Variants in ACSBG1 observed in about 807,000 individuals in gnomAD.
ACSBG1 encodes the protein long-chain-fatty-acid--CoA ligase ACSBG1.
Under a neutral mutation model 80.2 loss-of-function variants are expected in ACSBG1, and 39 were observed. The ratio of observed to expected loss-of-function variants is 0.49; its 90% CI spans 0.38 to 0.64. The LOEUF (loss-of-function observed/expected upper bound fraction) is 0.64. ACSBG1 is among the 30% of genes least tolerant of loss of function. The pLI is 0.00. For missense variants in ACSBG1, 828 were observed against 966.4 expected, an observed-to-expected ratio of 0.86 and a Z score of 1.90; for synonymous variants, 392 against 379.5, an observed-to-expected ratio of 1.03 and a Z score of -0.38.
intron 10 of ACSBG1, 135 bp downstream of exon 10, chr15:78,179,415 A>G (rs1248406292): frequency 3.9e-6 from 3 of 778,328 alleles, no homozygotes; most frequent in Non-Finnish European, 6.2e-6. Flanking sequence ...CAGGGGCTCC[A>G]TAGCCCAGTG....
intron 2 of ACSBG1, among the ~76,000 whole-genome samples, chr15:78,198,467 C>T (rs1193069064): frequency 6.6e-6 from 1 of 152,204 alleles, no homozygotes; most frequent in Admixed American, 6.5e-5. Context: ...CTGCCTCAGC[C>T]TCCCAAGTAG....
rs567184462 is a variant in ACSBG1 at position 78,224,467 on chromosome 15, C to A, written c.131+9904G>T. On this transcript the variant is annotated intron_variant, in intron 1 of 13. Transcript: ENST00000258873. ...GGGCGTGGTGGCTCACTCCTGTAATCCCAGCACTTTGGGAGGCCAAGGCAG... is the reference window on the plus strand; with the variant it reads ...GGGCGTGGTGGCTCACTCCTGTAATACCAGCACTTTGGGAGGCCAAGGCAG... Among the ~76,000 whole-genome samples, 226 of 152,314 alleles carry A rather than the reference C, an allele frequency of 1.5e-3. 3 individuals carry two copies. The highest frequency in any genetic ancestry group is 0.01 in the Middle Eastern group (3 of 294).
At position 78,234,520 on chromosome 15, in the gene ACSBG1, G is replaced by GA. The variant is rs1208771764; in HGVS notation, c.-20dup. On this transcript the variant is annotated 5_prime_UTR_variant, in exon 1 of 14. Coordinates refer to ENST00000258873, the MANE Select transcript of ACSBG1 (RefSeq NM_015162.5). ...GTGGCATCTGCCTCGGGCTTCCACTGAAGACAGCTCAGTCACCCACTGAGA... is the reference window on the plus strand; with the variant it reads ...GTGGCATCTGCCTCGGGCTTCCACTGAAAGACAGCTCAGTCACCCACTGAGA... 1 of 1,560,340 alleles carries GA rather than the reference G, an allele frequency of 6.4e-7. No individual in the cohort carries two copies. Among genetic ancestry groups the GA allele is most frequent in the South Asian group, 1.1e-5 (1 of 90,538 alleles).
At chr15:78,193,795 G>A in intron 4 of ACSBG1, 137 bp downstream of exon 4, 1 of 1,425,680 alleles carries the variant, frequency 7.0e-7, no homozygotes, top group South Asian at 1.3e-5. Flanking sequence ...GCCAGATGCA[G>A]GTCCACCAGA....
chr15:78,171,564 A>C, intron 13 of ACSBG1, 35 bp from the exon 14 acceptor site: 1 of 1,555,662 alleles, frequency 6.4e-7, no homozygotes, highest in Non-Finnish European at 8.9e-7. Context: ...AGTGAGGCCC[A>C]GGCTCTGAGA....
intron 5 of ACSBG1, among the ~76,000 whole-genome samples, chr15:78,185,063 G>C (rs1270694341): frequency 2.0e-5 from 3 of 150,138 alleles, no homozygotes; most frequent in Non-Finnish European, 4.5e-5. Context: ...GAGAGAGAGA[G>C]AGAGAGAGAG....
Position 78,172,667 on chromosome 15 carries a change from T to C in ACSBG1, c.2089+926A>G, listed in dbSNP as rs2074837801. On this transcript the variant is annotated intron_variant, in intron 13 of 13. Transcript: ENST00000258873. The surrounding 1 kb of genome is among the most constrained non-coding windows in gnomAD (Gnocchi z 4.1). ...AGCCAGATAAGCTCAAGGTCTCTGA[T>C]TGCAGCTCAGCTTTGCTGTAGACAA... 1.3e-5 allele frequency among the ~76,000 whole-genome samples: 2 copies of C among 152,250 alleles called. No homozygotes were observed. The highest frequency in any genetic ancestry group is 2.1e-4 in the South Asian group (1 of 4,836).
At chr15:78,180,694 G>A in intron 9 of ACSBG1, 61 bp downstream of exon 9, 1 of 1,571,242 alleles carries the variant, frequency 6.4e-7, no homozygotes, top group South Asian at 1.2e-5. Flanking sequence ...CCCTCACTGT[G>A]TTTTGGGTTA....
At chr15:78,218,984 G>T (rs1323007736) in intron 1 of ACSBG1, among the ~76,000 whole-genome samples, 1 of 151,822 alleles carries the variant, frequency 6.6e-6, no homozygotes, top group Non-Finnish European at 1.5e-5. Context: ...GCTAATTTTT[G>T]TATTTTTAGT....
chr15:78,194,834 C>T (rs760884301), intron 2 of ACSBG1, 108 bp from the exon 3 acceptor site: 276 of 1,169,918 alleles, frequency 2.4e-4, no homozygotes, highest in Non-Finnish European at 3.1e-4. Context: ...CTTGGGTCCT[C>T]GGCCTTGAGG....
Position 78,193,561 on chromosome 15 carries a change from C to A in ACSBG1, c.608G>T (p.Cys203Phe). 6.2e-7 allele frequency: 1 copy of A among 1,613,742 alleles called. No individual in the cohort carries two copies. Among genetic ancestry groups the A allele is most frequent in the Non-Finnish European group, 8.5e-7 (1 of 1,179,766 alleles). Reference sequence around the variant, plus strand: ...GTCGACCATGATGACATTGGCGCAGCAGTCATAAGCGATGTACTGGCAGGC... The same window carrying A: ...GTCGACCATGATGACATTGGCGCAGAAGTCATAAGCGATGTACTGGCAGGC... ...PEACQYIAYD[C>F]CANVIMVDTQ... Residue 203 changes from cysteine to phenylalanine, a missense_variant, in exon 5 of 14, where the codon TGC becomes TTC. This residue lies in a region of ACSBG1 where 356 missense variants were observed against 363.5 expected (regional missense o/e 0.98). Coordinates refer to ENST00000258873, the MANE Select transcript of ACSBG1 (RefSeq NM_015162.5).
rs199663848 is a variant in ACSBG1, at chr15:78,220,419, G to GT, written c.132-12318dup. Among the ~76,000 whole-genome samples, 359 of 151,604 alleles carry GT rather than the reference G, an allele frequency of 2.4e-3. 3 individuals carry two copies. Among genetic ancestry groups the GT allele is most frequent in the African/African-American group, 8.1e-3 (335 of 41,380 alleles). On this transcript the variant is annotated intron_variant, in intron 1 of 13. Coordinates refer to ENST00000258873, the MANE Select transcript of ACSBG1 (RefSeq NM_015162.5). ...ATCTTTGTGACCTTGTGTTAGGCAA[G>GT]TTTTTTTTTAGATAAGGTTAAAAAG...
intron 11 of ACSBG1, 167 bp from the exon 12 acceptor site, chr15:78,174,691 T>TG: frequency 1.3e-6 from 1 of 748,908 alleles, no homozygotes. Flanking sequence ...TCACACCTGC[T>TG]TGGGGGCTGG....
At chr15:78,207,455 A>G (rs2075226082) in intron 2 of ACSBG1, among the ~76,000 whole-genome samples, 1 of 152,170 alleles carries the variant, frequency 6.6e-6, no homozygotes, top group African/African-American at 2.4e-5. Flanking sequence ...ATGTATTATT[A>G]TTATTATTAT....
At chr15:78,207,290 C>G (rs1274192050) in intron 2 of ACSBG1, among the ~76,000 whole-genome samples, 4 of 152,212 alleles carry the variant, frequency 2.6e-5, no homozygotes, top group African/African-American at 9.6e-5. Flanking sequence ...CAGGCCAGAT[C>G]CCTGCCAAAG....
chr15:78,209,744 G>A (rs28452388), intron 1 of ACSBG1, among the ~76,000 whole-genome samples: 19,357 of 152,164 alleles, frequency 0.13, 1,373 homozygotes, highest in Middle Eastern at 0.22. Context: ...TGTTCTCAGA[G>A]GACGGTGGAC....
chr15:78,200,705 C>T (rs930458526), intron 2 of ACSBG1, among the ~76,000 whole-genome samples: 2 of 152,186 alleles, frequency 1.3e-5, no homozygotes, highest in African/African-American at 2.4e-5. Context: ...ACTATCATGC[C>T]TCCCGCCAAG....
In ACSBG1 at chr15:78,218,164, C is replaced by T. The variant is rs1295672174; in HGVS notation, c.132-10062G>A. On this transcript the variant is annotated intron_variant, in intron 1 of 13. Coordinates refer to ENST00000258873, the MANE Select transcript of ACSBG1 (RefSeq NM_015162.5). ...TAAAATGGGGAAAGGGTGGATGGGA[C>T]GGCCTGTAAGTCCCAGCTCTCAAGA... 4.6e-5 allele frequency among the ~76,000 whole-genome samples: 7 copies of T among 152,086 alleles called. No individual in the cohort carries two copies. The East Asian group carries it at 7.7e-4, about 17-fold the overall frequency.
At position 78,178,928 on chromosome 15, in the gene ACSBG1, T is replaced by G; in HGVS notation, c.1485-97A>C. On this transcript the variant is annotated intron_variant, in intron 10 of 13. Coordinates refer to ENST00000258873, the MANE Select transcript of ACSBG1 (RefSeq NM_015162.5). This position sits in a 1 kb window ranked among gnomAD's most constrained non-coding sequence, Gnocchi z 4.3. ...TCCCAACTGCTCGGTCTTCACTGAT[T>G]GCTAGAAGGTATCCCCTCACAGGGC... is the stretch of plus-strand genomic sequence containing the variant. 1 of 1,229,078 alleles carries G rather than the reference T, an allele frequency of 8.1e-7. No individual in the cohort carries two copies. Among genetic ancestry groups the G allele is most frequent in the Non-Finnish European group, 1.1e-6 (1 of 901,956 alleles). The allele number at this position is 1,229,078 out of a possible 1,614,324, so 76.1% of individuals were successfully genotyped here.
Sources: gnomAD v4.1 joint callset for allele counts (sites outside exome capture counted in the v4.1 genomes callset) on GRCh38, gnomAD v4.1.1 for gene constraint, gnomAD v4.1.1 regional missense constraint, Gnocchi (gnomAD v3.1) non-coding constraint, MANE v1.5 for transcripts, NCBI Gene and HGNC (gene_info 2026-07-23, HGNC 2026-07-21) for gene names.